SLIT3: variants seen among roughly 807,000 people sequenced by gnomAD.
SLIT3 encodes the protein slit homolog 3 protein.
A neutral mutation model predicts 184.0 loss-of-function variants in SLIT3; 68 were observed. The ratio of observed to expected loss-of-function variants is 0.37; its 90% CI spans 0.30 to 0.45. SLIT3 has a LOEUF of 0.45. SLIT3 is among the 20% of genes least tolerant of loss of function. SLIT3 has a pLI of 1.00. For missense variants in SLIT3, 1,707 were observed against 2,026.0 expected, an observed-to-expected ratio of 0.84 and a Z score of 3.02; for synonymous variants, 831 against 828.6, an observed-to-expected ratio of 1.00 and a Z score of -0.05.
In SLIT3 at chr5:169,182,005, C is replaced by T. The variant is rs559814452; in HGVS notation, c.413+11474G>A. ...TGACTCGTTGACTAAAAATTCAAGT[C>T]CAGAGCCCCAGACACGCCAACAAGA... is the stretch of plus-strand genomic sequence containing the variant. On this transcript the variant is annotated intron_variant, in intron 4 of 35. Coordinates refer to ENST00000519560, the MANE Select transcript of SLIT3 (RefSeq NM_003062.4). Among the ~76,000 whole-genome samples the T allele has an allele frequency of 6.9e-4, 105 of 152,222 alleles. 1 individual carries two copies. The highest frequency in any genetic ancestry group is 2.4e-3 in the African/African-American group (101 of 41,534).
intron 1 of SLIT3, among the ~76,000 whole-genome samples, chr5:169,299,180 TG>T (rs1333145185): frequency 6.6e-6 from 1 of 152,234 alleles, no homozygotes; most frequent in Non-Finnish European, 1.5e-5. Context: ...TTTAGGATTC[TG>T]TGGTTCAACC....
At chr5:168,903,358 C>T (rs1262974743) in intron 4 of SLIT3, among the ~76,000 whole-genome samples, 2 of 152,068 alleles carry the variant, frequency 1.3e-5, no homozygotes, top group Non-Finnish European at 2.9e-5. Context: ...ATTTCCTGTT[C>T]CAGCACAGTT....
At chr5:168,852,195 G>A (rs1190572593) in intron 5 of SLIT3, among the ~76,000 whole-genome samples, 5 of 152,232 alleles carry the variant, frequency 3.3e-5, no homozygotes, top group South Asian at 2.1e-4. Context: ...CGGCAGAGGC[G>A]CAGGAGGGAG....
intron 3 of SLIT3, among the ~76,000 whole-genome samples, chr5:169,213,233 A>T (rs190420877): frequency 6.6e-6 from 1 of 151,364 alleles, no homozygotes; most frequent in Non-Finnish European, 1.5e-5. Flanking sequence ...GAGAAAAAAA[A>T]TACCTAGGAA....
chr5:168,919,610 T>C (rs1235719755), intron 4 of SLIT3, among the ~76,000 whole-genome samples: 2 of 152,058 alleles, frequency 1.3e-5, no homozygotes, highest in African/African-American at 2.4e-5. Context: ...ATGGGAACTG[T>C]TGTATTGTAA....
In SLIT3 at chr5:169,017,302, A is replaced by G. The variant is rs1756422251; in HGVS notation, c.414-133966T>C. Among the ~76,000 whole-genome samples the G allele has an allele frequency of 3.3e-5, 5 of 152,098 alleles. No individual in the cohort carries two copies. The South Asian group carries it at 1.0e-3, about 32-fold the overall frequency. ...TTCCAGATAGTTGACTTCCCCACCT[A>G]TCCCCACTCTGGACTCTCCTGGGAC... On this transcript the variant is annotated intron_variant, in intron 4 of 35. Coordinates refer to ENST00000519560, the MANE Select transcript of SLIT3 (RefSeq NM_003062.4).
At chr5:169,120,183 T>C (rs1760827528) in intron 4 of SLIT3, 1 of 152,226 alleles carries the variant, frequency 6.6e-6, no homozygotes, top group South Asian at 2.1e-4. Context: ...TCTTGATATT[T>C]GGTCAGAGTG....
chr5:168,813,213 C>T (rs12516281), intron 8 of SLIT3, among the ~76,000 whole-genome samples: 78,389 of 151,592 alleles, frequency 0.52, 20,627 homozygotes, highest in Middle Eastern at 0.6. Context: ...TTACAAATTG[C>T]GACTGGTAGA....
At chr5:168,913,864 T>G (rs1483924506) in intron 4 of SLIT3, among the ~76,000 whole-genome samples, 1 of 152,216 alleles carries the variant, frequency 6.6e-6, no homozygotes, top group Non-Finnish European at 1.5e-5. Flanking sequence ...GTTAATATTT[T>G]CTTATATATC....
intron 4 of SLIT3, among the ~76,000 whole-genome samples, chr5:168,888,711 T>A (rs1202460838): frequency 6.6e-6 from 1 of 152,020 alleles, no homozygotes; most frequent in Non-Finnish European, 1.5e-5. Context: ...TCAATAACAT[T>A]AAAAAAAATT....
chr5:169,225,633 G>C (rs756006853), intron 3 of SLIT3, among the ~76,000 whole-genome samples: 2 of 152,230 alleles, frequency 1.3e-5, no homozygotes, highest in Non-Finnish European at 2.9e-5. Flanking sequence ...GGCCACGCCC[G>C]AGGGGCAGGG....
At chr5:168,983,966 C>CTTGA (rs1257069987) in intron 4 of SLIT3, among the ~76,000 whole-genome samples, 1 of 152,106 alleles carries the variant, frequency 6.6e-6, no homozygotes, top group Non-Finnish European at 1.5e-5. Context: ...GGGAGGACTG[C>CTTGA]TTGAGCCCAG....
Position 168,665,930 on chromosome 5 carries a change from TAAAAG to T in SLIT3, c.*519_*523del, listed in dbSNP as rs1761019682. 6.6e-6 allele frequency: 1 copy of T among 152,176 alleles called. No homozygotes were observed. The highest frequency in any genetic ancestry group is 2.4e-5 in the African/African-American group (1 of 41,432). 9.4% of individuals were successfully genotyped at this position (152,176 alleles called of 1,614,324 possible). On this transcript the variant is annotated 3_prime_UTR_variant, in exon 36 of 36. Coordinates refer to ENST00000519560, the MANE Select transcript of SLIT3 (RefSeq NM_003062.4). ...CTGGGTAATTTTAGGGGAGGAAAAA[TAAAAG>T]GGAGTTAAAAAACAAGAAACAAAGG...
intron 3 of SLIT3, among the ~76,000 whole-genome samples, chr5:169,222,033 T>C (rs1439073954): frequency 6.6e-6 from 1 of 152,200 alleles, no homozygotes; most frequent in Non-Finnish European, 1.5e-5. Flanking sequence ...CCAGGTGTTG[T>C]CAAATACTCA....
intron 4 of SLIT3, among the ~76,000 whole-genome samples, chr5:168,940,709 G>T (rs1470253060): frequency 6.6e-6 from 1 of 152,048 alleles, no homozygotes; most frequent in African/African-American, 2.4e-5. Flanking sequence ...TATTAAATCT[G>T]GGCTTTTCGG....
At chr5:168,882,535 C>T (rs535612880) in intron 5 of SLIT3, among the ~76,000 whole-genome samples, 3 of 152,294 alleles carry the variant, frequency 2.0e-5, no homozygotes, top group East Asian at 1.9e-4. Context: ...AGTGAGCACA[C>T]GTGGAGCTGT....
At chr5:169,180,339 T>A (rs1046581930) in intron 4 of SLIT3, among the ~76,000 whole-genome samples, 1 of 152,276 alleles carries the variant, frequency 6.6e-6, no homozygotes, top group Non-Finnish European at 1.5e-5. Context: ...AGGGGTCAGA[T>A]GATGTAGTGC....
chr5:168,673,469 G>T, intron 32 of SLIT3, 138 bp from the exon 33 acceptor site: 1 of 817,970 alleles, frequency 1.2e-6, no homozygotes, highest in Non-Finnish European at 1.8e-6. Context: ...ACTTACATAA[G>T]TTGCAAAAAT....
intron 4 of SLIT3, among the ~76,000 whole-genome samples, chr5:168,930,283 G>A (rs2113159065): frequency 6.6e-6 from 1 of 152,298 alleles, no homozygotes; most frequent in South Asian, 2.1e-4. Context: ...CTGTAAGGAG[G>A]GCTATCAGTG....
Sources: gnomAD v4.1 joint callset for allele counts (sites outside exome capture counted in the v4.1 genomes callset) on GRCh38, gnomAD v4.1.1 for gene constraint, MANE v1.5 for transcripts, NCBI Gene and HGNC (gene_info 2026-07-23, HGNC 2026-07-21) for gene names.